Variants in MYH14 observed in about 807,000 individuals in gnomAD.
MYH14 encodes the protein myosin-14.
In MYH14, 123 loss-of-function variants were observed where a neutral mutation model predicts 255.5. The observed-to-expected ratio is 0.48, with a 90% confidence interval of 0.42 to 0.56. The LOEUF (loss-of-function observed/expected upper bound fraction) is 0.56. Among genes scored for constraint, MYH14 ranks in the 20% least tolerant of loss-of-function variants. The pLI, the probability that MYH14 is intolerant of heterozygous loss-of-function variation, is 0.00. For synonymous variants in MYH14, 1,095 were observed against 1,161.2 expected (o/e 0.94, Z 1.16); for missense variants, 2,423 against 2,802.3 (o/e 0.86, Z 3.06).
intron 10 of MYH14, among the ~76,000 whole-genome samples, chr19:50,233,088 T>G (rs2033484957): frequency 1.3e-5 from 2 of 152,166 alleles, no homozygotes; most frequent in African/African-American, 4.8e-5. Flanking sequence ...GCTGCTCAGG[T>G]TGGCCCAGGC....
intron 2 of MYH14, among the ~76,000 whole-genome samples, chr19:50,216,768 A>G (rs2032494699): frequency 6.6e-6 from 1 of 151,862 alleles, no homozygotes; most frequent in Non-Finnish European, 1.5e-5. Context: ...TGAATATATA[A>G]AAATATATAA....
Position 50,231,952 on chromosome 19 carries a change from C to T in MYH14, c.996C>T (p.Cys332=). Residue 332 remains cysteine (C), a synonymous_variant, in exon 10 of 43, where the codon TGC becomes TGT. Transcript: ENST00000642316. The part of the protein sequence containing the change: ...QLKADLLLEP[C]SHYRFLTNGP... Reference sequence around the variant, plus strand: ...CAGCCGACCTCCTCCTCGAGCCCTGCTCCCACTACCGGTTCCTGACCAACG... The same window carrying T: ...CAGCCGACCTCCTCCTCGAGCCCTGTTCCCACTACCGGTTCCTGACCAACG... 1 of 1,613,980 alleles carries T rather than the reference C, an allele frequency of 6.2e-7. No individual in the cohort carries two copies. Among genetic ancestry groups the T allele is most frequent in the Non-Finnish European group, 8.5e-7 (1 of 1,179,908 alleles).
At chr19:50,292,783 T>G (rs1601042500) in intron 37 of MYH14, among the ~76,000 whole-genome samples, 3 of 144,560 alleles carry the variant, frequency 2.1e-5, no homozygotes, top group African/African-American at 2.6e-5. Flanking sequence ...GGAGTGGGAG[T>G]GGGAGAGGGG....
intron 24 of MYH14, among the ~76,000 whole-genome samples, chr19:50,270,771 T>TG (rs1488271877): frequency 6.6e-6 from 1 of 151,954 alleles, no homozygotes; most frequent in East Asian, 1.9e-4. Flanking sequence ...TTCAGCTCAC[T>TG]GCAAGCTCTG....
intron 17 of MYH14, among the ~76,000 whole-genome samples, chr19:50,256,619 C>T (rs962217677): frequency 4.6e-5 from 7 of 152,186 alleles, no homozygotes; most frequent in African/African-American, 1.7e-4. Context: ...GGTGATCCAC[C>T]CGCCTTGGCC....
intron 36 of MYH14, among the ~76,000 whole-genome samples, chr19:50,291,454 T>C (rs777567793): frequency 1.4e-4 from 21 of 152,152 alleles, no homozygotes; most frequent in Non-Finnish European, 2.5e-4. Context: ...GCGTGCGCCA[T>C]AATTTTTGTA....
At chr19:50,286,827 G>A in intron 34 of MYH14, 133 bp downstream of exon 34, 1 of 941,312 alleles carries the variant, frequency 1.1e-6, no homozygotes, top group Non-Finnish European at 1.6e-6. Flanking sequence ...GAGAACAAGA[G>A]GGCTGGGCAT....
chr19:50,309,456 GC>G, intron 42 of MYH14, 183 bp from the exon 43 acceptor site: 3 of 608,130 alleles, frequency 4.9e-6, no homozygotes. Context: ...ATCTCTCTCT[GC>G]CCCCCATTGC....
At chr19:50,217,512 A>G (rs1021497618) in intron 2 of MYH14, 103 bp from the exon 3 acceptor site, 1 of 1,268,920 alleles carries the variant, frequency 7.9e-7, no homozygotes, top group African/African-American at 1.5e-5. Flanking sequence ...TACCATGTGC[A>G]GATAGATGCC....
chr19:50,279,616 A>G lies in MYH14; in HGVS notation c.4033-421A>G, dbSNP rs189904697. On this transcript the variant is annotated intron_variant, in intron 30 of 42. Transcript: ENST00000642316. Reference sequence around the variant, plus strand: ...CCATTGCGCTCTAGCCTGGGCAACAAGAGTGAAACTCTGTCTCAAAAAAAC... The same window carrying G: ...CCATTGCGCTCTAGCCTGGGCAACAGGAGTGAAACTCTGTCTCAAAAAAAC... Among the ~76,000 whole-genome samples, 267 of 152,390 alleles carry G rather than the reference A, an allele frequency of 1.8e-3. 1 individual carries two copies. Among genetic ancestry groups the G allele is most frequent in the African/African-American group, 6.2e-3 (256 of 41,598 alleles).
chr19:50,239,660 C>T (rs2033812726), intron 10 of MYH14, among the ~76,000 whole-genome samples: 1 of 152,200 alleles, frequency 6.6e-6, no homozygotes, highest in African/African-American at 2.4e-5. Context: ...TGCCATTCTC[C>T]TGCCTCAGCC....
intron 2 of MYH14, 62 bp downstream of exon 2, chr19:50,210,832 C>A: frequency 6.6e-7 from 1 of 1,526,310 alleles, no homozygotes; most frequent in South Asian, 1.2e-5. Flanking sequence ...GGAACCAGGT[C>A]CACCACCCGG....
intron 17 of MYH14, among the ~76,000 whole-genome samples, chr19:50,256,623 C>T (rs1315358586): frequency 1.3e-5 from 2 of 152,240 alleles, no homozygotes; most frequent in Admixed American, 6.5e-5. Flanking sequence ...ATCCACCCGC[C>T]TTGGCCTCCC....
intron 33 of MYH14, 42 bp downstream of exon 33, chr19:50,281,884 C>A: frequency 3.8e-6 from 6 of 1,588,784 alleles, no homozygotes; most frequent in South Asian, 1.1e-5. Context: ...TCAGCAAGTC[C>A]ATCTACGCTT....
chr19:50,225,736 A>G, intron 7 of MYH14, 59 bp downstream of exon 7: 1 of 1,271,110 alleles, frequency 7.9e-7, no homozygotes, highest in South Asian at 1.2e-5. Context: ...TGGGAACCTC[A>G]GGGTGGGCTT....
At chr19:50,291,131 C>G in intron 36 of MYH14, 83 bp downstream of exon 36, 1 of 1,383,660 alleles carries the variant, frequency 7.2e-7, no homozygotes, top group Non-Finnish European at 9.8e-7. Context: ...AAGGCTAGCT[C>G]GGACCCCTCG....
At chr19:50,306,902 C>T in intron 40 of MYH14, 147 bp from the exon 41 acceptor site, 1 of 653,346 alleles carries the variant, frequency 1.5e-6, no homozygotes, top group Non-Finnish European at 2.8e-6. Flanking sequence ...AGTGTTTGGC[C>T]TCAGTAAACT....
At chr19:50,231,224 C>T (rs2033368553) in intron 9 of MYH14, among the ~76,000 whole-genome samples, 1 of 152,252 alleles carries the variant, frequency 6.6e-6, no homozygotes, top group Non-Finnish European at 1.5e-5. Flanking sequence ...GCTCCTGCGG[C>T]CACATAGCCC....
chr19:50,308,192 G>C (rs1014949091), intron 41 of MYH14: 5 of 152,198 alleles, frequency 3.3e-5, no homozygotes, highest in African/African-American at 1.2e-4. Context: ...CCAGTCAGAG[G>C]GAACAGCAAG....
Sources: allele counts gnomAD v4.1 joint callset (sites outside exome capture counted in the v4.1 genomes callset), GRCh38; gene constraint gnomAD v4.1.1; transcripts MANE v1.5; gene names NCBI Gene and HGNC (gene_info 2026-07-23, HGNC 2026-07-21).